Variants in CELF4 observed in about 807,000 individuals in gnomAD.
The protein encoded by CELF4 is CUG-BP- and ETR-3-like factor 4.
A neutral mutation model predicts 59.9 loss-of-function variants in CELF4; 18 were observed. That is an observed-to-expected ratio of 0.30 (90% CI 0.21 to 0.45). The LOEUF (loss-of-function observed/expected upper bound fraction) is 0.45. Ranked by LOEUF, CELF4 falls within the 20% of genes least tolerant of loss-of-function variation. CELF4 has a pLI of 1.00. For missense variants in CELF4, 456 were observed against 689.0 expected (o/e 0.66, Z 3.79); for synonymous variants, 261 against 267.1 (o/e 0.98, Z 0.22).
At chr18:37,263,285 T>C (rs1167869495) in intron 10 of CELF4, among the ~76,000 whole-genome samples, 3 of 152,188 alleles carry the variant, frequency 2.0e-5, no homozygotes, top group Admixed American at 2.0e-4. Flanking sequence ...AGGCAGGCTG[T>C]GGCACCTCTT....
intron 2 of CELF4, among the ~76,000 whole-genome samples, chr18:37,428,397 T>A (rs2099627575): frequency 6.6e-6 from 1 of 151,902 alleles, no homozygotes; most frequent in African/African-American, 2.4e-5. Flanking sequence ...GAAGGTGAAG[T>A]CACATTCCTG....
intron 3 of CELF4, among the ~76,000 whole-genome samples, chr18:37,282,227 T>G (rs1463315170): frequency 6.6e-6 from 1 of 151,402 alleles, no homozygotes; most frequent in Non-Finnish European, 1.5e-5. Context: ...CCCCTGGGAG[T>G]GTAGAGAGGA....
intron 2 of CELF4, chr18:37,473,510 C>G (rs536807998): frequency 1.3e-5 from 2 of 152,244 alleles, no homozygotes; most frequent in African/African-American, 4.8e-5. Context: ...CTAAGGGTAG[C>G]TGAAATTTTA....
intron 2 of CELF4, among the ~76,000 whole-genome samples, chr18:37,444,747 A>G (rs941335404): frequency 6.6e-6 from 1 of 151,918 alleles, no homozygotes; most frequent in Non-Finnish European, 1.5e-5. Context: ...TGCACTGTCC[A>G]TGGCCCCGAC....
chr18:37,504,284 A>C (rs1285112948), intron 1 of CELF4, among the ~76,000 whole-genome samples: 1 of 152,070 alleles, frequency 6.6e-6, no homozygotes, highest in Non-Finnish European at 1.5e-5. Flanking sequence ...TGAGGTCAGG[A>C]GTTCAAGATC....
At chr18:37,272,498 T>C (rs1213419611) in intron 7 of CELF4, among the ~76,000 whole-genome samples, 2 of 151,498 alleles carry the variant, frequency 1.3e-5, no homozygotes, top group African/African-American at 2.4e-5. Context: ...TTGATAACTC[T>C]TGTGGTTCTC....
At chr18:37,331,278 T>C (rs1329986211) in intron 2 of CELF4, among the ~76,000 whole-genome samples, 2 of 152,148 alleles carry the variant, frequency 1.3e-5, no homozygotes, top group Non-Finnish European at 2.9e-5. Flanking sequence ...ATTCCATTTT[T>C]CACCTCTCCT....
At chr18:37,391,867 C>T (rs1569568557) in intron 2 of CELF4, among the ~76,000 whole-genome samples, 2 of 152,316 alleles carry the variant, frequency 1.3e-5, no homozygotes, top group Admixed American at 1.3e-4. Context: ...GTGTGCTCTG[C>T]GCAGACAGGA....
chr18:37,433,518 C>T (rs1011020583), intron 2 of CELF4, among the ~76,000 whole-genome samples: 2 of 152,242 alleles, frequency 1.3e-5, no homozygotes, highest in East Asian at 1.9e-4. Flanking sequence ...ACAGAGCACA[C>T]GGTAGGCAAA....
chr18:37,448,051 C>T (rs1373628013), intron 2 of CELF4, among the ~76,000 whole-genome samples: 2 of 152,216 alleles, frequency 1.3e-5, no homozygotes, highest in East Asian at 3.9e-4. Context: ...CGGTGGCATT[C>T]AGTGATTCCC....
At chr18:37,508,360 C>T (rs927987095) in intron 1 of CELF4, among the ~76,000 whole-genome samples, 8 of 152,046 alleles carry the variant, frequency 5.3e-5, no homozygotes, top group African/African-American at 1.7e-4. Flanking sequence ...GAGGGTGACT[C>T]TCCAGAGGCA....
chr18:37,547,388 C>G (rs2099981783), intron 1 of CELF4, among the ~76,000 whole-genome samples: 1 of 152,128 alleles, frequency 6.6e-6, no homozygotes, highest in Admixed American at 6.5e-5. Context: ...GTAGACCTAC[C>G]CTGCTCCTCT....
At chr18:37,440,031 C>G (rs988216425) in intron 2 of CELF4, among the ~76,000 whole-genome samples, 3 of 152,222 alleles carry the variant, frequency 2.0e-5, no homozygotes, top group African/African-American at 7.2e-5. Context: ...ATGGCTCCTG[C>G]TTCCTTCATC....
At chr18:37,527,673 G>C (rs193210800) in intron 1 of CELF4, among the ~76,000 whole-genome samples, 2 of 152,286 alleles carry the variant, frequency 1.3e-5, no homozygotes, top group East Asian at 3.9e-4. Flanking sequence ...GAGAATGCAG[G>C]CTGGCTTTCC....
chr18:37,466,830 G>T lies in CELF4; in HGVS notation c.369+18695C>A, dbSNP rs532923143. The stretch of plus-strand genomic sequence containing the variant: ...TGGGGAAGGCTCCCTGGAGAAGGTG[G>T]CATGTGAGCTGAGTTTGGAATGCTG... On this transcript the variant is annotated intron_variant, in intron 2 of 12. Transcript: ENST00000420428. Among the ~76,000 whole-genome samples, 3 of 152,298 alleles carry T rather than the reference G, an allele frequency of 2.0e-5. No individual in the cohort carries two copies. In the South Asian group the frequency reaches 6.2e-4, roughly 32 times the overall value.
chr18:37,404,702 G>C (rs12455363), intron 2 of CELF4, among the ~76,000 whole-genome samples: 8,142 of 152,290 alleles, frequency 0.053, 257 homozygotes, highest in East Asian at 0.11. Context: ...AGAAAGCAGA[G>C]AGCCAGGATG....
intron 2 of CELF4, among the ~76,000 whole-genome samples, chr18:37,358,507 T>G (rs1180675039): frequency 6.6e-6 from 1 of 152,182 alleles, no homozygotes; most frequent in Admixed American, 6.5e-5. Flanking sequence ...TAAGACATTG[T>G]GTGCAATATG....
intron 1 of CELF4, among the ~76,000 whole-genome samples, chr18:37,510,490 T>A (rs1569569707): frequency 6.6e-6 from 1 of 152,008 alleles, no homozygotes. Flanking sequence ...GCCACAGAGG[T>A]TTCCCTCACT....
chr18:37,502,685 A>T (rs961010617), intron 1 of CELF4, among the ~76,000 whole-genome samples: 3 of 151,816 alleles, frequency 2.0e-5, no homozygotes, highest in South Asian at 4.2e-4. Flanking sequence ...TCCCTCCCTG[A>T]TCTCCCTCAA....
Sources: allele counts gnomAD v4.1 joint callset (sites outside exome capture counted in the v4.1 genomes callset), GRCh38; gene constraint gnomAD v4.1.1; transcripts MANE v1.5; gene names NCBI Gene and HGNC (gene_info 2026-07-23, HGNC 2026-07-21).